The following GPBP1L1 variants were observed in gnomAD, a reference collection of about 807,000 sequenced individuals.
GPBP1L1 encodes the protein GC-rich promoter binding protein 1 like 1.
Under a neutral mutation model 52.5 loss-of-function variants are expected in GPBP1L1, and 23 were observed. The observed-to-expected ratio is 0.44, with a 90% CI of 0.32 to 0.62. The LOEUF (loss-of-function observed/expected upper bound fraction) is 0.62, where lower values mean the gene tolerates loss of function less well. Ranked by LOEUF, GPBP1L1 falls within the 20% of genes least tolerant of loss-of-function variation. GPBP1L1 has a pLI of 0.06. For missense variants in GPBP1L1, 596 were observed against 579.3 expected, an observed-to-expected ratio of 1.03 and a Z score of -0.30; for synonymous variants, 243 against 203.1, an observed-to-expected ratio of 1.20 and a Z score of -1.67.
chr1:45,628,185 C>T lies in GPBP1L1; in HGVS notation c.*71G>A, dbSNP rs767898317. The T allele has an allele frequency of 7.9e-5, 110 of 1,391,296 alleles. No individual in the cohort carries two copies. Among genetic ancestry groups the T allele is most frequent in the Middle Eastern group, 1.8e-4 (1 of 5,540 alleles). The allele number at this position is 1,391,296 out of a possible 1,614,324, so 86.2% of individuals were successfully genotyped here. A position where few individuals can be genotyped will look rare whatever the true frequency, so the allele number is the denominator to read the frequency against. ...CAACAACATAAGAAAAGGAAAAGAACGATTTCTTTTGTATACTCCCTAAAC... is the reference window on the plus strand; with the variant it reads ...CAACAACATAAGAAAAGGAAAAGAATGATTTCTTTTGTATACTCCCTAAAC... On this transcript the variant is annotated 3_prime_UTR_variant, in exon 13 of 13. Transcript: ENST00000355105.
intron 6 of GPBP1L1, chr1:45,651,554 G>C (rs1644819602): frequency 1.7e-6 from 1 of 576,900 alleles, no homozygotes; most frequent in South Asian, 1.8e-5. Flanking sequence ...TAGCTGAGTA[G>C]CTGTTTGGCA....
chr1:45,643,480 G>C (rs1331230818), intron 6 of GPBP1L1, among the ~76,000 whole-genome samples: 1 of 152,074 alleles, frequency 6.6e-6, no homozygotes, highest in African/African-American at 2.4e-5. Context: ...TCAACTAAGA[G>C]ACCATTAGGA....
chr1:45,658,919 G>A, intron 4 of GPBP1L1, 109 bp downstream of exon 4: 1 of 771,012 alleles, frequency 1.3e-6, no homozygotes, highest in Non-Finnish European at 2.3e-6. Flanking sequence ...TTCATCCTGG[G>A]TGACAGAGGG....
chr1:45,663,685 G>C (rs1398639500), intron 2 of GPBP1L1, among the ~76,000 whole-genome samples: 1 of 152,160 alleles, frequency 6.6e-6, no homozygotes, highest in Non-Finnish European at 1.5e-5. Context: ...AGAGATTTCT[G>C]TTCTGGAAGT....
At chr1:45,642,957 A>G (rs1282907688) in intron 6 of GPBP1L1, among the ~76,000 whole-genome samples, 3 of 152,188 alleles carry the variant, frequency 2.0e-5, no homozygotes, top group Non-Finnish European at 4.4e-5. Flanking sequence ...ACTGTGCTAG[A>G]AATACAATAA....
chr1:45,675,623 T>C (rs533632306), intron 2 of GPBP1L1, among the ~76,000 whole-genome samples: 1 of 152,288 alleles, frequency 6.6e-6, no homozygotes, highest in South Asian at 2.1e-4. Flanking sequence ...CTCATTACAG[T>C]TGACCTCCCA....
intron 4 of GPBP1L1, 42 bp from the exon 5 acceptor site, chr1:45,655,361 A>G (rs1644872790): frequency 1.9e-6 from 3 of 1,605,108 alleles, no homozygotes; most frequent in East Asian, 2.2e-5. Context: ...ATAAATAGCT[A>G]TTAGTCCTTT....
At chr1:45,630,684 C>G (rs533192387) in intron 10 of GPBP1L1, 78 bp from the exon 11 acceptor site, 1 of 1,509,640 alleles carries the variant, frequency 6.6e-7, no homozygotes, top group East Asian at 2.3e-5. Flanking sequence ...AAATCAAGGA[C>G]TCACGACCCA....
chr1:45,628,302 G>C lies in GPBP1L1; in HGVS notation c.1379C>G (p.Thr460Ser), dbSNP rs754110031. The C allele has an allele frequency of 5.6e-6, 9 of 1,614,090 alleles. No individual in the cohort carries two copies. In the South Asian group the frequency reaches 6.6e-5, roughly 12 times the overall value. The change falls in exon 13 of 13, where the codon ACC becomes AGC. Residue 460 changes from threonine (T) to serine (S), a missense_variant. Thr to Ser is a moderately conservative substitution (Grantham distance 58). Transcript: ENST00000355105. ...TCKAEFEDSD[T>S]ETSSSETSDD... ...TGATGTTTCACTGCTACTGGTTTCG[G>C]TGTCTGAGTCCTCAAACTCTGCTTT...
chr1:45,651,447 A>T (rs1644818251), intron 6 of GPBP1L1: 1 of 425,610 alleles, frequency 2.3e-6, no homozygotes, highest in East Asian at 5.2e-5. Context: ...TACTGGGGAC[A>T]TCCCCTTTGC....
chr1:45,666,975 TATATG>T (rs965261913), intron 2 of GPBP1L1, among the ~76,000 whole-genome samples: 2 of 152,224 alleles, frequency 1.3e-5, no homozygotes, highest in Non-Finnish European at 1.5e-5. Context: ...TTATTCCACT[TATATG>T]AAACATCCAG....
At chr1:45,630,863 A>T in intron 10 of GPBP1L1, 1 of 425,220 alleles carries the variant, frequency 2.4e-6, no homozygotes, top group South Asian at 2.5e-5. Flanking sequence ...ATATTACCTG[A>T]CATCAAGACT....
rs980793757 is a variant in GPBP1L1 at position 45,628,074 on chromosome 1, A to G, written c.*182T>C. 5.6e-5 allele frequency: 35 copies of G among 628,782 alleles called. No individual in the cohort carries two copies. The highest frequency in any genetic ancestry group is 8.0e-5 in the Non-Finnish European group (29 of 362,728). The allele number at this position is 628,782 out of a possible 1,614,324, so 39.0% of individuals were successfully genotyped here. On this transcript the variant is annotated 3_prime_UTR_variant, in exon 13 of 13. Coordinates refer to ENST00000355105, the MANE Select transcript of GPBP1L1 (RefSeq NM_021639.5). Reference sequence around the variant, plus strand: ...ACACAAACTTCTCTCTATAAAGCAGATAACAGGGAAGAACAATAACAAAAG... The same window carrying G: ...ACACAAACTTCTCTCTATAAAGCAGGTAACAGGGAAGAACAATAACAAAAG...
Position 45,628,352 on chromosome 1 carries a change from C to T in GPBP1L1, c.1329G>A (p.Leu443=), listed in dbSNP as rs1177306590. ...TGCAAGTGCTTCTCCAAGGGGAGAA[C>T]AGACTGGAACTGCGGCTCTGCAAGA... The part of the protein sequence containing the change: ...NGFLQSRSSS[L]FSPWRSTCKA... The change falls in exon 13 of 13, where the codon CTG becomes CTA. Residue 443 remains leucine, a synonymous_variant. Coordinates refer to ENST00000355105, the MANE Select transcript of GPBP1L1 (RefSeq NM_021639.5). 1.2e-6 allele frequency: 2 copies of T among 1,613,938 alleles called. No individual in the cohort carries two copies. Among genetic ancestry groups the T allele is most frequent in the African/African-American group, 2.7e-5 (2 of 74,888 alleles).
At chr1:45,648,079 T>C (rs1417174558) in intron 6 of GPBP1L1, among the ~76,000 whole-genome samples, 1 of 152,090 alleles carries the variant, frequency 6.6e-6, no homozygotes, top group Non-Finnish European at 1.5e-5. Flanking sequence ...TAGCTGGGAC[T>C]ACCAGGTACC....
chr1:45,633,576 G>C lies in GPBP1L1; in HGVS notation c.957C>G (p.Thr319=). The C allele has an allele frequency of 1.2e-6, 2 of 1,613,920 alleles. No individual in the cohort carries two copies. Among genetic ancestry groups the C allele is most frequent in the Non-Finnish European group, 1.7e-6 (2 of 1,179,970 alleles). The change falls in exon 10 of 13, where the codon ACC becomes ACG. Residue 319 remains threonine, a synonymous_variant. Transcript: ENST00000355105. ...SRLTKLTRRT[T]DRKSEFLKTL... is the part of the protein sequence containing the mutation. ...TTTTCAGGAACTCACTCTTCCTGTCGGTGGTTCGGCGGGTCAACTTGGTCA... is the reference window on the plus strand; with the variant it reads ...TTTTCAGGAACTCACTCTTCCTGTCCGTGGTTCGGCGGGTCAACTTGGTCA...
chr1:45,633,792 A>G (rs1644561109), intron 9 of GPBP1L1, 145 bp from the exon 10 acceptor site: 2 of 906,386 alleles, frequency 2.2e-6, no homozygotes, highest in South Asian at 1.8e-5. Flanking sequence ...AAGCAGTTCA[A>G]ACTTCAGTTT....
At chr1:45,650,884 G>T (rs1362157970) in intron 6 of GPBP1L1, among the ~76,000 whole-genome samples, 2 of 152,146 alleles carry the variant, frequency 1.3e-5, no homozygotes, top group African/African-American at 4.8e-5. Flanking sequence ...TTGGCATCAA[G>T]AATTTGTTTT....
intron 6 of GPBP1L1, among the ~76,000 whole-genome samples, chr1:45,648,633 G>GTA (rs1644782023): frequency 6.6e-6 from 1 of 152,186 alleles, no homozygotes. Flanking sequence ...CCCTTTACGG[G>GTA]TATGTGGGGA....
Sources: gnomAD v4.1 joint callset for allele counts (sites outside exome capture counted in the v4.1 genomes callset) on GRCh38, gnomAD v4.1.1 for gene constraint, MANE v1.5 for transcripts, NCBI Gene and HGNC (gene_info 2026-07-23, HGNC 2026-07-21) for gene names.